The following ADAM12 variants were observed in gnomAD, a reference collection of about 807,000 sequenced individuals.
ADAM12 encodes the protein ADAM metallopeptidase domain 12, also known as disintegrin and metalloproteinase domain-containing protein 12.
In ADAM12, 70 loss-of-function variants were observed where a neutral mutation model predicts 106.4. That is an observed-to-expected ratio of 0.66 (90% confidence interval 0.54 to 0.80). ADAM12 has a LOEUF of 0.80. ADAM12 is among the 30% of genes least tolerant of loss of function. The probability of loss-of-function intolerance (pLI) is 0.00; values close to 1 mark genes in which losing one functional copy is unlikely to be tolerated. For missense variants in ADAM12, 1,010 were observed against 1,171.9 expected (o/e 0.86, Z 2.02); for synonymous variants, 420 against 433.5 (o/e 0.97, Z 0.39).
At chr10:126,083,425 G>A (rs2133534759) in intron 11 of ADAM12, among the ~76,000 whole-genome samples, 1 of 152,344 alleles carries the variant, frequency 6.6e-6, no homozygotes, top group Middle Eastern at 3.4e-3. Context: ...CCTCAGGCAT[G>A]ACCCAGCACA....
chr10:126,171,314 C>T (rs1203727507), intron 3 of ADAM12, among the ~76,000 whole-genome samples: 2 of 151,946 alleles, frequency 1.3e-5, no homozygotes, highest in Non-Finnish European at 2.9e-5. Flanking sequence ...CAAAATATTA[C>T]CCTGGGTCAT....
At chr10:126,382,276 C>A (rs915917682) in intron 1 of ADAM12, among the ~76,000 whole-genome samples, 1 of 152,198 alleles carries the variant, frequency 6.6e-6, no homozygotes, top group African/African-American at 2.4e-5. Flanking sequence ...GCCAACACAG[C>A]TAGGTGTTGC....
At chr10:126,386,482 T>C (rs750523121) in intron 1 of ADAM12, among the ~76,000 whole-genome samples, 1 of 152,216 alleles carries the variant, frequency 6.6e-6, no homozygotes, top group Non-Finnish European at 1.5e-5. Flanking sequence ...CAGTGAATCC[T>C]GGAATATATC....
chr10:126,338,217 G>A (rs971208906), intron 1 of ADAM12, among the ~76,000 whole-genome samples: 3 of 150,978 alleles, frequency 2.0e-5, no homozygotes, highest in African/African-American at 7.3e-5. Flanking sequence ...CAGCTGTGGG[G>A]AGCAAAGTCA....
rs373051674 is a variant in ADAM12 at position 126,040,400 on chromosome 10, C to T, written c.2105-971G>A. 3.3e-4 allele frequency among the ~76,000 whole-genome samples: 50 copies of T among 152,322 alleles called. No homozygotes were observed. In the South Asian group the frequency reaches 9.1e-3, roughly 28 times the overall value. ...GTGATGCAGTTACCTGGGCTCTCCT[C>T]GGCCCTGCCTCCCACCTGGACCCTC... On this transcript the variant is annotated intron_variant, in intron 18 of 22. Transcript: ENST00000448723.
At chr10:126,300,670 A>C (rs1281307880) in intron 2 of ADAM12, among the ~76,000 whole-genome samples, 1 of 152,108 alleles carries the variant, frequency 6.6e-6, no homozygotes, top group Non-Finnish European at 1.5e-5. Flanking sequence ...TTACCATATG[A>C]CCTCACTTTT....
rs550784068 is a variant in ADAM12 at position 126,366,433 on chromosome 10, TAATAATAA to T, written c.88+21617_88+21624del. The stretch of plus-strand genomic sequence containing the variant: ...AATTCCTATGGCAAACACTAAAATA[TAATAATAA>T]AATGAAGAACTACAGCTAAAAAAGG... On this transcript the variant is annotated intron_variant, in intron 1 of 22. Coordinates refer to ENST00000448723, the MANE Select transcript of ADAM12 (RefSeq NM_001288973.2). Among the ~76,000 whole-genome samples the T allele has an allele frequency of 6.4e-4, 97 of 151,510 alleles. 2 individuals are homozygous for T. In the South Asian group the frequency reaches 0.02, roughly 31 times the overall value.
chr10:126,259,589 T>G (rs556992760), intron 3 of ADAM12, among the ~76,000 whole-genome samples: 9 of 152,338 alleles, frequency 5.9e-5, no homozygotes, highest in Non-Finnish European at 1.5e-5. Flanking sequence ...ATTCTAATAT[T>G]TGATACTTAG....
chr10:126,019,787 A>G lies in ADAM12; in HGVS notation c.2568T>C (p.Pro856=), dbSNP rs758251996. The part of the protein sequence containing the change: ...CKPNPPQKPL[P]ADPLARTTRL... ...GAGTTGTTCTGGCCAGAGGATCTGC[A>G]GGCAGAGGCTTCTGAGGGGGGTTTG... The change falls in exon 22 of 23, where the codon CCT becomes CCC. Residue 856 remains proline (P), a synonymous_variant. Coordinates refer to ENST00000448723, the MANE Select transcript of ADAM12 (RefSeq NM_001288973.2). 29 of 1,614,056 alleles carry G rather than the reference A, an allele frequency of 1.8e-5. No homozygotes were observed. Among genetic ancestry groups the G allele is most frequent in the Non-Finnish European group, 2.5e-5 (29 of 1,179,972 alleles).
intron 6 of ADAM12, among the ~76,000 whole-genome samples, chr10:126,112,826 C>A (rs1955895665): frequency 6.6e-6 from 1 of 151,970 alleles, no homozygotes; most frequent in Admixed American, 6.6e-5. Flanking sequence ...TTCCTGAAAC[C>A]CAGTGTCCTC....
intron 11 of ADAM12, among the ~76,000 whole-genome samples, chr10:126,084,142 C>T (rs190953665): frequency 1.6e-4 from 24 of 152,304 alleles, no homozygotes; most frequent in Non-Finnish European, 2.6e-4. Flanking sequence ...CTCCCTGAAA[C>T]CAATTTAAGT....
intron 3 of ADAM12, among the ~76,000 whole-genome samples, chr10:126,182,126 G>A (rs974406573): frequency 3.9e-5 from 6 of 152,190 alleles, no homozygotes; most frequent in African/African-American, 9.7e-5. Context: ...AGGTAACAGC[G>A]GCCCTGCTGC....
At position 126,361,956 on chromosome 10, in the gene ADAM12, C is replaced by T. The variant is rs1855758841; in HGVS notation, c.88+26102G>A. ...AATGGAATTACATCAAACTAAAAAG[C>T]TTTCACACAATGAAGAAAAAAATTA... On this transcript the variant is annotated intron_variant, in intron 1 of 22. Transcript: ENST00000448723. 1.3e-5 allele frequency among the ~76,000 whole-genome samples: 2 copies of T among 151,900 alleles called. 1 individual carries two copies. The highest frequency in any genetic ancestry group is 1.3e-4 in the Admixed American group (2 of 15,250).
intron 21 of ADAM12, among the ~76,000 whole-genome samples, chr10:126,030,381 T>G (rs1953951978): frequency 6.6e-6 from 1 of 152,160 alleles, no homozygotes; most frequent in Non-Finnish European, 1.5e-5. Context: ...TATCCCAAAT[T>G]GCGTTTTATA....
At chr10:126,147,379 G>A (rs1199160394) in intron 4 of ADAM12, among the ~76,000 whole-genome samples, 2 of 152,026 alleles carry the variant, frequency 1.3e-5, no homozygotes, top group Non-Finnish European at 2.9e-5. Context: ...TGTTCCCTCT[G>A]ACTACGACTT....
chr10:126,138,006 A>G (rs1956437724), intron 4 of ADAM12, among the ~76,000 whole-genome samples: 1 of 152,218 alleles, frequency 6.6e-6, no homozygotes, highest in Non-Finnish European at 1.5e-5. Flanking sequence ...ACCATTTTAC[A>G]TTCCTGTGAG....
intron 11 of ADAM12, chr10:126,090,609 G>A (rs1955445595): frequency 1.3e-5 from 2 of 152,102 alleles, no homozygotes; most frequent in African/African-American, 4.8e-5. Flanking sequence ...AATGTTTAGA[G>A]ACATAAAACA....
At chr10:126,095,310 G>A (rs1451737151) in intron 10 of ADAM12, among the ~76,000 whole-genome samples, 1 of 150,964 alleles carries the variant, frequency 6.6e-6, no homozygotes, top group Non-Finnish European at 1.5e-5. Context: ...TGAGGCAGGG[G>A]GATCATGAGG....
At chr10:126,300,605 T>C (rs1960578376) in intron 2 of ADAM12, among the ~76,000 whole-genome samples, 2 of 152,192 alleles carry the variant, frequency 1.3e-5, no homozygotes, top group Admixed American at 1.3e-4. Context: ...GAAAGTACTG[T>C]TTCATTATCT....
Sources: allele counts gnomAD v4.1 joint callset (sites outside exome capture counted in the v4.1 genomes callset), GRCh38; gene constraint gnomAD v4.1.1; transcripts MANE v1.5; gene names NCBI Gene and HGNC (gene_info 2026-07-23, HGNC 2026-07-21).